The following THSD7A variants were observed in gnomAD, a reference collection of about 807,000 sequenced individuals.
THSD7A encodes thrombospondin type 1 domain containing 7A, also known as thrombospondin type-1 domain-containing protein 7A.
THSD7A carries 96 observed loss-of-function variants against 231.3 expected under a neutral mutation model. That is an observed-to-expected ratio of 0.41 (90% CI 0.35 to 0.49). The LOEUF is 0.49. THSD7A is among the 20% of genes least tolerant of loss of function. The probability of loss-of-function intolerance (pLI) is 0.05; values close to 1 mark genes in which losing one functional copy is unlikely to be tolerated. For missense variants in THSD7A, 2,290 were observed against 2,070.2 expected (o/e 1.11, Z -2.06); for synonymous variants, 940 against 743.3 (o/e 1.26, Z -4.30).
intron 6 of THSD7A, among the ~76,000 whole-genome samples, chr7:11,504,240 A>G (rs964046266): frequency 4.6e-5 from 7 of 152,202 alleles, no homozygotes; most frequent in African/African-American, 1.7e-4. Context: ...GCTTTCACCT[A>G]TAAGTGGGAG....
chr7:11,408,267 G>C lies in THSD7A; in HGVS notation c.3799-844C>G, dbSNP rs149469323. Among the ~76,000 whole-genome samples, 491 of 152,208 alleles carry C rather than the reference G, an allele frequency of 3.2e-3. 3 individuals are homozygous for C. Among genetic ancestry groups the C allele is most frequent in the African/African-American group, 0.012 (480 of 41,516 alleles). On this transcript the variant is annotated intron_variant, in intron 19 of 27. Coordinates refer to ENST00000423059, the MANE Select transcript of THSD7A (RefSeq NM_015204.3). Reference sequence around the variant, plus strand: ...CTCATGCCTGTAATCCCAGCACTTTGGGAGACCGAGGTGGGCGGATCACCT... The same window carrying C: ...CTCATGCCTGTAATCCCAGCACTTTCGGAGACCGAGGTGGGCGGATCACCT...
chr7:11,617,419 T>TTGTA (rs888274210), intron 2 of THSD7A, among the ~76,000 whole-genome samples: 7 of 152,218 alleles, frequency 4.6e-5, no homozygotes, highest in Non-Finnish European at 1.0e-4. Context: ...GCACGTATAT[T>TTGTA]TGTATGTATG....
chr7:11,732,994 T>C (rs1457917355), intron 1 of THSD7A, among the ~76,000 whole-genome samples: 24 of 151,802 alleles, frequency 1.6e-4, no homozygotes, highest in African/African-American at 2.4e-5. Context: ...ATCTAAGCAG[T>C]ATTTGGTAAT....
At chr7:11,580,281 G>A (rs1205729523) in intron 4 of THSD7A, among the ~76,000 whole-genome samples, 1 of 152,004 alleles carries the variant, frequency 6.6e-6, no homozygotes, top group Non-Finnish European at 1.5e-5. Context: ...TATATTTTGA[G>A]GATATATGCT....
At position 11,546,223 on chromosome 7, in the gene THSD7A, C is replaced by CACACACAA. The variant is rs1554335301; in HGVS notation, c.1454-3107_1454-3106insTTGTGTGT. 4.2e-3 allele frequency among the ~76,000 whole-genome samples: 622 copies of CACACACAA among 148,814 alleles called. 8 individuals are homozygous for CACACACAA. Among genetic ancestry groups the CACACACAA allele is most frequent in the African/African-American group, 0.015 (593 of 40,266 alleles). ...GCGCGCTCACACACACACACACACA[C>CACACACAA]ACACACACGTGGACCCTGCCACACT... On this transcript the variant is annotated intron_variant, in intron 4 of 27. Coordinates refer to ENST00000423059, the MANE Select transcript of THSD7A (RefSeq NM_015204.3).
chr7:11,772,633 A>T (rs1324218751), intron 1 of THSD7A, among the ~76,000 whole-genome samples: 15 of 152,220 alleles, frequency 9.9e-5, no homozygotes, highest in Admixed American at 9.8e-4. Flanking sequence ...CATTCTGTGC[A>T]TTCTTACTTA....
At chr7:11,563,064 A>T (rs1479447132) in intron 4 of THSD7A, among the ~76,000 whole-genome samples, 1 of 152,208 alleles carries the variant, frequency 6.6e-6, no homozygotes, top group African/African-American at 2.4e-5. Flanking sequence ...AAAATTAATC[A>T]AATTCAATGT....
intron 1 of THSD7A, among the ~76,000 whole-genome samples, chr7:11,723,984 G>A (rs898166380): frequency 6.6e-6 from 1 of 151,986 alleles, no homozygotes; most frequent in Admixed American, 6.6e-5. Context: ...AAGCAGTAAG[G>A]ATGGAATCAA....
intron 6 of THSD7A, among the ~76,000 whole-genome samples, chr7:11,503,117 T>G (rs766361639): frequency 6.6e-6 from 1 of 152,134 alleles, no homozygotes; most frequent in African/African-American, 2.4e-5. Flanking sequence ...AACAGGCACA[T>G]AGACCAATGG....
intron 16 of THSD7A, among the ~76,000 whole-genome samples, chr7:11,422,228 A>G (rs1784169024): frequency 6.6e-6 from 1 of 152,190 alleles, no homozygotes; most frequent in Non-Finnish European, 1.5e-5. Flanking sequence ...CAGTGAAAAA[A>G]ATATCCTTCC....
rs1179866021 is a variant in THSD7A, at chr7:11,788,804, GT to G, written c.190+42952del. On this transcript the variant is annotated intron_variant, in intron 1 of 27. Coordinates refer to ENST00000423059, the MANE Select transcript of THSD7A (RefSeq NM_015204.3). ...ACAATAATATAATCAAACATTCAGT[GT>G]TTTTCTGAGGTTTAAATGAATTAAT... Among the ~76,000 whole-genome samples, 4 of 151,934 alleles carry G rather than the reference GT, an allele frequency of 2.6e-5. No homozygotes were observed. The East Asian group carries it at 7.7e-4, about 29-fold the overall frequency.
rs1782319095 is a variant in THSD7A, at chr7:11,377,412, T to C, written c.4802-755A>G. On this transcript the variant is annotated intron_variant, in intron 26 of 27. Transcript: ENST00000423059. The surrounding 1 kb of genome is among the most constrained non-coding windows in gnomAD (Gnocchi z 4.5). The stretch of plus-strand genomic sequence containing the variant: ...TATTAATGATATTGGCTAATTTAAT[T>C]TGATCCTCACATCAACATATATTTT... Among the ~76,000 whole-genome samples, 1 of 152,122 alleles carries C rather than the reference T, an allele frequency of 6.6e-6. No homozygotes were observed. The highest frequency in any genetic ancestry group is 2.4e-5 in the African/African-American group (1 of 41,446).
rs141426647 is a variant in THSD7A at position 11,722,371 on chromosome 7, G to A, written c.191-85410C>T. The stretch of plus-strand genomic sequence containing the variant: ...TACTGTGCCAGATGTCACACGATTT[G>A]TTACTTTTCCAATTGCTCCTATGGA... On this transcript the variant is annotated intron_variant, in intron 1 of 27. Transcript: ENST00000423059. Among the ~76,000 whole-genome samples the A allele has an allele frequency of 5.2e-4, 79 of 151,946 alleles. 2 individuals are homozygous for A. In the East Asian group the frequency reaches 0.015, roughly 28 times the overall value.
intron 6 of THSD7A, among the ~76,000 whole-genome samples, chr7:11,528,559 G>A (rs1435121594): frequency 6.6e-6 from 1 of 152,138 alleles, no homozygotes; most frequent in African/African-American, 2.4e-5. Context: ...GCAGCACAAT[G>A]TATATTAATC....
At chr7:11,701,462 T>A (rs1347806914) in intron 1 of THSD7A, among the ~76,000 whole-genome samples, 2 of 151,350 alleles carry the variant, frequency 1.3e-5, no homozygotes, top group African/African-American at 4.8e-5. Flanking sequence ...TACTTCACTA[T>A]AATTTATTAA....
intron 2 of THSD7A, among the ~76,000 whole-genome samples, chr7:11,598,846 C>T (rs1056766329): frequency 1.3e-4 from 20 of 152,108 alleles, no homozygotes; most frequent in African/African-American, 4.6e-4. Context: ...GTCTTAGTTC[C>T]AGAGACAGGA....
chr7:11,426,136 C>T (rs971995603), intron 15 of THSD7A, among the ~76,000 whole-genome samples: 4 of 151,376 alleles, frequency 2.6e-5, no homozygotes, highest in East Asian at 3.9e-4. Flanking sequence ...ATTATATTCA[C>T]ATTTAGTTGC....
intron 1 of THSD7A, among the ~76,000 whole-genome samples, chr7:11,810,045 CAGACAATCCTATGG>C (rs1245459142): frequency 6.6e-6 from 1 of 152,088 alleles, no homozygotes; most frequent in African/African-American, 2.4e-5. Context: ...GGAACTCAAG[CAGACAATCCTATGG>C]AGACATTATA....
rs1779962448 is a variant in THSD7A at position 11,684,518 on chromosome 7, A to T, written c.191-47557T>A. 2.6e-5 allele frequency among the ~76,000 whole-genome samples: 4 copies of T among 151,990 alleles called. No homozygotes were observed. In the South Asian group the frequency reaches 8.3e-4, roughly 31 times the overall value. On this transcript the variant is annotated intron_variant, in intron 1 of 27. Transcript: ENST00000423059. ...TTCCACTGTAAGGCTCCTAGATTTGATAAATGGCTGCAGTAAAGTTTCAGG... is the reference window on the plus strand; with the variant it reads ...TTCCACTGTAAGGCTCCTAGATTTGTTAAATGGCTGCAGTAAAGTTTCAGG...
Sources: allele counts gnomAD v4.1 joint callset (sites outside exome capture counted in the v4.1 genomes callset), GRCh38; gene constraint gnomAD v4.1.1; non-coding constraint Gnocchi (gnomAD v3.1); transcripts MANE v1.5; gene names NCBI Gene and HGNC (gene_info 2026-07-23, HGNC 2026-07-21).